The following MYO10 variants were observed in gnomAD, a reference collection of about 807,000 sequenced individuals.
MYO10 encodes the protein myosin X, also known as unconventional myosin-X.
A neutral mutation model predicts 257.3 loss-of-function variants in MYO10; 133 were observed. The observed-to-expected ratio is 0.52, with a 90% confidence interval of 0.45 to 0.60. The LOEUF is 0.60. MYO10 is among the 20% of genes least tolerant of loss of function. The pLI, the probability that MYO10 is intolerant of heterozygous loss-of-function variation, is 0.00. For synonymous variants in MYO10, 1,104 were observed against 1,028.6 expected (o/e 1.07, Z -1.40); for missense variants, 2,399 against 2,635.7 (o/e 0.91, Z 1.97).
At position 16,670,659 on chromosome 5, in the gene MYO10, A is replaced by C; in HGVS notation, c.5750T>G (p.Val1917Gly). Reference sequence around the variant, plus strand: ...AATGATACTGGCTCGAGCAGAGGAGACTTCTTCCTTAATCCACATGTCCAG... The same window carrying C: ...AATGATACTGGCTCGAGCAGAGGAGCCTTCTTCCTTAATCCACATGTCCAG... ...QMLDMWIKEE[V>G]SSARASIIDK... is the part of the protein sequence containing the mutation. Residue 1917 changes from valine to glycine, a missense_variant, in exon 39 of 41, where the codon GTC becomes GGC. Physicochemically the swap from Val to Gly is moderately radical, Grantham distance 109 (BLOSUM62 -3). Transcript: ENST00000513610. 1 of 1,613,918 alleles carries C rather than the reference A, an allele frequency of 6.2e-7. No homozygotes were observed. The highest frequency in any genetic ancestry group is 8.5e-7 in the Non-Finnish European group (1 of 1,179,858).
chr5:16,853,737 C>G (rs1004905492), intron 2 of MYO10, among the ~76,000 whole-genome samples: 1 of 152,194 alleles, frequency 6.6e-6, no homozygotes, highest in Non-Finnish European at 1.5e-5. Flanking sequence ...GTGCTATCAT[C>G]TCTCCCGTCC....
At chr5:16,821,528 G>A (rs147058745) in intron 2 of MYO10, among the ~76,000 whole-genome samples, 2,026 of 123,504 alleles carry the variant, frequency 0.016, 51 homozygotes, top group African/African-American at 0.06. Flanking sequence ...GTGCAGTGGC[G>A]CGATCTTGGC....
At chr5:16,869,872 T>C (rs531485870) in intron 2 of MYO10, among the ~76,000 whole-genome samples, 135 of 116,076 alleles carry the variant, frequency 1.2e-3, no homozygotes, top group Non-Finnish European at 1.9e-3. Context: ...TTCAAAAAAC[T>C]ATAATAATAA....
intron 40 of MYO10, 34 bp downstream of exon 40, chr5:16,668,243 A>G (rs1561163403): frequency 6.4e-7 from 1 of 1,574,440 alleles, no homozygotes; most frequent in South Asian, 1.2e-5. Context: ...TGTCAAGACC[A>G]TGAATAAAAA....
chr5:16,751,881 T>C (rs1238693281), intron 19 of MYO10, among the ~76,000 whole-genome samples: 1 of 152,294 alleles, frequency 6.6e-6, no homozygotes, highest in East Asian at 1.9e-4. Context: ...TCAGGACATG[T>C]AAAGTGAGCC....
At chr5:16,787,609 TAAAAAAAAAAAAAA>T (rs70940401) in intron 4 of MYO10, among the ~76,000 whole-genome samples, 1 of 124,970 alleles carries the variant, frequency 8.0e-6, no homozygotes, top group Non-Finnish European at 1.6e-5. Context: ...TGTTTTGCTT[TAAAAAAAAAAAAAA>T]AAAAAAAAAA....
intron 19 of MYO10, among the ~76,000 whole-genome samples, chr5:16,731,842 C>T (rs551478481): frequency 6.6e-6 from 1 of 152,340 alleles, no homozygotes; most frequent in Admixed American, 6.5e-5. Context: ...TTGTCACGTG[C>T]TGTGTTCACT....
At position 16,710,995 on chromosome 5, in the gene MYO10, A is replaced by C; in HGVS notation, c.2082T>G (p.Ala694=). Reference sequence around the variant, plus strand: ...ACTTCCCTCGGACGTCCTCAGGCAGAGCCAGATTCCTCATCAGCACTTTAT... The same window carrying C: ...ACTTCCCTCGGACGTCCTCAGGCAGCGCCAGATTCCTCATCAGCACTTTAT... ...KRYKVLMRNL[A]LPEDVRGKCT... Residue 694 remains alanine, a synonymous_variant, in exon 21 of 41, where the codon GCT becomes GCG. Coordinates refer to ENST00000513610, the MANE Select transcript of MYO10 (RefSeq NM_012334.3). 2 of 1,614,006 alleles carry C rather than the reference A, an allele frequency of 1.2e-6. No homozygotes were observed. The highest frequency in any genetic ancestry group is 1.7e-6 in the Non-Finnish European group (2 of 1,179,878).
intron 19 of MYO10, among the ~76,000 whole-genome samples, chr5:16,752,873 A>AT (rs1161195902): frequency 1.3e-5 from 2 of 152,154 alleles, no homozygotes; most frequent in Non-Finnish European, 2.9e-5. Flanking sequence ...AAAGCTATGC[A>AT]TTTTTTTATG....
intron 19 of MYO10, among the ~76,000 whole-genome samples, chr5:16,730,579 A>G (rs532776460): frequency 5.9e-5 from 9 of 152,358 alleles, no homozygotes; most frequent in Admixed American, 3.9e-4. Context: ...GCAGAGGTCA[A>G]CAGGGGCAGC....
At chr5:16,863,820 A>C (rs1476206861) in intron 2 of MYO10, among the ~76,000 whole-genome samples, 1 of 152,206 alleles carries the variant, frequency 6.6e-6, no homozygotes, top group Non-Finnish European at 1.5e-5. Flanking sequence ...ACTCCGGGCC[A>C]GGTGCGGTGG....
chr5:16,891,151 C>T (rs2929913), intron 1 of MYO10, among the ~76,000 whole-genome samples: 39,914 of 151,314 alleles, frequency 0.26, 6,480 homozygotes, highest in Admixed American at 0.4. Context: ...TAGCCAGGCG[C>T]GGTAGCAGGT....
chr5:16,674,890 G>C lies in MYO10; in HGVS notation c.4927C>G (p.Arg1643Gly). The part of the protein sequence containing the change: ...TCLSCTFLPS[R>G]GILKYLKFHL... ...AACTTGAGATACTTGAGAATCCCTC[G>C]ACTCGGCAGGAAGGTGCAGCTCAGG... Residue 1643 changes from arginine to glycine, a missense_variant, in exon 35 of 41, where the codon CGA becomes GGA. By Grantham distance (125) the Arg-to-Gly change is moderately radical. Around this residue, in one of 3 missense-constraint regions of MYO10, gnomAD observed 1,820 missense variants for 1,939.4 expected, o/e 0.94. Coordinates refer to ENST00000513610, the MANE Select transcript of MYO10 (RefSeq NM_012334.3). 1 of 1,613,900 alleles carries C rather than the reference G, an allele frequency of 6.2e-7. No homozygotes were observed. Among genetic ancestry groups the C allele is most frequent in the Non-Finnish European group, 8.5e-7 (1 of 1,179,884 alleles).
At chr5:16,920,233 C>T (rs936385170) in intron 1 of MYO10, among the ~76,000 whole-genome samples, 1 of 152,192 alleles carries the variant, frequency 6.6e-6, no homozygotes, top group South Asian at 2.1e-4. Context: ...GACATTGCGC[C>T]ACTGCACTCC....
In MYO10 at chr5:16,736,723, C is replaced by T. The variant is rs190915862; in HGVS notation, c.1929+18105G>A. On this transcript the variant is annotated intron_variant, in intron 19 of 40. Coordinates refer to ENST00000513610, the MANE Select transcript of MYO10 (RefSeq NM_012334.3). ...CAAATGCATAGGCCAACGTTTCAGT[C>T]AATACCAGAAAAAGAAAAGAAGAAA... 2.8e-3 allele frequency among the ~76,000 whole-genome samples: 428 copies of T among 152,288 alleles called. 3 individuals carry two copies. Among genetic ancestry groups the T allele is most frequent in the Non-Finnish European group, 2.6e-3 (176 of 68,028 alleles).
chr5:16,861,000 C>A (rs956960112), intron 2 of MYO10, among the ~76,000 whole-genome samples: 1 of 152,094 alleles, frequency 6.6e-6, no homozygotes, highest in Admixed American at 6.6e-5. Flanking sequence ...AGTTCTGAAC[C>A]TGGTTGCTCA....
At position 16,702,413 on chromosome 5, in the gene MYO10, A is replaced by C. The variant is rs1450184657; in HGVS notation, c.2556+130T>G. 1.2e-5 allele frequency: 11 copies of C among 902,404 alleles called. No individual in the cohort carries two copies. In the East Asian group the frequency reaches 2.7e-4, roughly 22 times the overall value. The allele number at this position is 902,404 out of a possible 1,614,324, so 55.9% of individuals were successfully genotyped here. A position where few individuals can be genotyped will look rare whatever the true frequency, so the allele number is the denominator to read the frequency against. On this transcript the variant is annotated intron_variant, in intron 24 of 40. Coordinates refer to ENST00000513610, the MANE Select transcript of MYO10 (RefSeq NM_012334.3). Reference sequence around the variant, plus strand: ...GTAATAGGTCAGAAATTGGATCATAAACACATCCTCTTAAATTGTTCTTCC... The same window carrying C: ...GTAATAGGTCAGAAATTGGATCATACACACATCCTCTTAAATTGTTCTTCC...
At chr5:16,835,059 C>T (rs1185182579) in intron 2 of MYO10, among the ~76,000 whole-genome samples, 2 of 151,864 alleles carry the variant, frequency 1.3e-5, no homozygotes, top group African/African-American at 2.4e-5. Context: ...ACGCCTGTAC[C>T]CCAGCTACTC....
Position 16,929,014 on chromosome 5 carries a change from G to A in MYO10, c.21+6774C>T, listed in dbSNP as rs577138484. On this transcript the variant is annotated intron_variant, in intron 1 of 40. Transcript: ENST00000513610. ...GTCGCCCAGGCTGGAGTGCAGTGGC[G>A]CGATCTCAGCTCACTGCAAGCTCCG... is the stretch of plus-strand genomic sequence containing the variant. Among the ~76,000 whole-genome samples the A allele has an allele frequency of 1.3e-3, 193 of 150,340 alleles. 1 individual carries two copies. Among genetic ancestry groups the A allele is most frequent in the African/African-American group, 4.4e-3 (180 of 40,942 alleles).
Sources: allele counts gnomAD v4.1 joint callset (sites outside exome capture counted in the v4.1 genomes callset), GRCh38; gene constraint gnomAD v4.1.1; regional missense constraint gnomAD v4.1.1; transcripts MANE v1.5; gene names NCBI Gene and HGNC (gene_info 2026-07-23, HGNC 2026-07-21).